The following FAAH2 variants were observed in gnomAD, a reference collection of about 807,000 sequenced individuals.
FAAH2 encodes fatty acid amide hydrolase 2.
FAAH2 carries 60 observed loss-of-function variants against 36.9 expected under a neutral mutation model. The ratio of observed to expected loss-of-function variants is 1.63; its 90% CI spans 1.32 to 2.02. The LOEUF is 2.02. Among genes scored for constraint, FAAH2 ranks in the 30% most tolerant of loss-of-function variants. The pLI is 0.00. For synonymous variants in FAAH2, 214 were observed against 143.8 expected (o/e 1.49, Z -3.49); for missense variants, 689 against 397.5 (o/e 1.73, Z -6.23).
intron 5 of FAAH2, among the ~76,000 whole-genome samples, chrX:57,362,717 T>A (rs192068726): frequency 8.9e-6 from 1 of 112,277 alleles, no homozygotes; most frequent in East Asian, 2.8e-4. Flanking sequence ...TCTTCTATGA[T>A]GTTTATAAGT....
chrX:57,264,358 A>G, the FAAH2 span, among the ~76,000 whole-genome samples: 2 of 112,739 alleles, frequency 1.8e-5, no homozygotes, highest in African/African-American at 6.4e-5. Context: ...AATCCCATTA[A>G]AAAGTGGGCA....
the FAAH2 span, among the ~76,000 whole-genome samples, chrX:57,123,062 T>C: frequency 9.0e-5 from 10 of 111,442 alleles, no homozygotes; most frequent in Admixed American, 1.9e-4. Flanking sequence ...TGCAGGTTAG[T>C]TACATGTGTA....
the FAAH2 span, among the ~76,000 whole-genome samples, chrX:57,220,509 C>G: frequency 9.0e-6 from 1 of 111,595 alleles, no homozygotes; most frequent in Non-Finnish European, 1.9e-5. Context: ...GGCTCAAGCT[C>G]CAGAAGCTTG....
chrX:57,479,692 A>G (rs1176951477), intron 10 of FAAH2, among the ~76,000 whole-genome samples: 2 of 111,569 alleles, frequency 1.8e-5, no homozygotes, highest in African/African-American at 6.5e-5. Context: ...AGTTTTTAGC[A>G]TGAAGAGGTG....
intron 10 of FAAH2, among the ~76,000 whole-genome samples, chrX:57,473,334 T>A (rs1341731076): frequency 1.8e-5 from 2 of 111,579 alleles, no homozygotes; most frequent in Non-Finnish European, 3.8e-5. Context: ...TTAGCATAGT[T>A]TTGAGAGATT....
the FAAH2 span, among the ~76,000 whole-genome samples, chrX:57,276,010 T>A: frequency 1.8e-5 from 2 of 111,433 alleles, no homozygotes; most frequent in African/African-American, 6.5e-5. Context: ...ATCAGACAGA[T>A]CAATGAGACA....
chrX:57,401,218 A>G (rs2055427097), intron 7 of FAAH2, among the ~76,000 whole-genome samples: 1 of 112,031 alleles, frequency 8.9e-6, no homozygotes, highest in African/African-American at 3.2e-5. Flanking sequence ...TCATCCGCAT[A>G]CCAAAAGACA....
chrX:57,402,553 T>C (rs140612572), intron 7 of FAAH2, among the ~76,000 whole-genome samples: 3 of 112,133 alleles, frequency 2.7e-5, no homozygotes, highest in Admixed American at 1.9e-4. Context: ...TTTTTTCTAA[T>C]GTCTGCAGCT....
At chrX:57,314,875 A>G (rs2052793206) in intron 3 of FAAH2, among the ~76,000 whole-genome samples, 2 of 111,502 alleles carry the variant, frequency 1.8e-5, no homozygotes, top group African/African-American at 6.5e-5. Flanking sequence ...GCCAATGTGA[A>G]CTACGATAAT....
intron 4 of FAAH2, among the ~76,000 whole-genome samples, chrX:57,339,616 G>A (rs1238100095): frequency 8.9e-6 from 1 of 111,991 alleles, no homozygotes; most frequent in East Asian, 2.8e-4. Flanking sequence ...CTCCTCAAAA[G>A]AAAACATTAA....
chrX:57,272,911 A>T, the FAAH2 span, among the ~76,000 whole-genome samples: 1 of 112,278 alleles, frequency 8.9e-6, no homozygotes, highest in Admixed American at 9.5e-5. Context: ...CACACATTAC[A>T]ATATTAACCG....
intron 2 of FAAH2, among the ~76,000 whole-genome samples, chrX:57,304,163 T>A (rs1366763135): frequency 9.0e-6 from 1 of 111,614 alleles, no homozygotes; most frequent in African/African-American, 3.3e-5. Flanking sequence ...GCTGAGATCT[T>A]GCCACTGCAC....
the FAAH2 span, among the ~76,000 whole-genome samples, chrX:57,243,352 G>T: frequency 8.9e-6 from 1 of 112,322 alleles, no homozygotes; most frequent in East Asian, 2.8e-4. Context: ...CTGCCTGCCA[G>T]CTCTGAAGAG....
At chrX:57,305,999 C>CAGT (rs1277073540) in intron 2 of FAAH2, among the ~76,000 whole-genome samples, 1 of 112,083 alleles carries the variant, frequency 8.9e-6, no homozygotes, top group Non-Finnish European at 1.9e-5. Flanking sequence ...GAGAAGCTTT[C>CAGT]AGTAACTAGC....
intron 2 of FAAH2, among the ~76,000 whole-genome samples, chrX:57,304,843 G>A (rs1317137174): frequency 9.0e-6 from 1 of 111,398 alleles, no homozygotes; most frequent in Non-Finnish European, 1.9e-5. Context: ...GGATTATTGT[G>A]AGGATGGAAC....
the FAAH2 span, among the ~76,000 whole-genome samples, chrX:57,150,332 A>G: frequency 4.5e-5 from 5 of 111,602 alleles, no homozygotes; most frequent in African/African-American, 1.6e-4. Context: ...TTTCTGTCTC[A>G]TTGATCTGTC....
intron 10 of FAAH2, among the ~76,000 whole-genome samples, chrX:57,486,217 A>G (rs1034459241): frequency 1.8e-5 from 2 of 111,787 alleles, no homozygotes; most frequent in African/African-American, 6.5e-5. Flanking sequence ...GTTACTGTTC[A>G]GCCACCTGGG....
At chrX:57,394,783 C>T in intron 7 of FAAH2, 1 of 973,827 alleles carries the variant, frequency 1.0e-6, no homozygotes, top group South Asian at 1.9e-5. Context: ...TTGCAACCAC[C>T]AGGATGTCGC....
At chrX:57,486,897 T>A (rs2057483646) in intron 10 of FAAH2, among the ~76,000 whole-genome samples, 1 of 111,671 alleles carries the variant, frequency 9.0e-6, no homozygotes, top group Non-Finnish European at 1.9e-5. Context: ...CTGCGGATAG[T>A]TAGTAGTTGG....
Sources: gnomAD v4.1 joint callset for allele counts (sites outside exome capture counted in the v4.1 genomes callset) on GRCh38, gnomAD v4.1.1 for gene constraint, MANE v1.5 for transcripts, NCBI Gene and HGNC (gene_info 2026-07-23, HGNC 2026-07-21) for gene names.